SEMA5B: variants seen among roughly 807,000 people sequenced by gnomAD.
SEMA5B encodes the protein semaphorin-5B.
SEMA5B carries 66 observed loss-of-function variants against 135.0 expected under a neutral mutation model. The ratio of observed to expected loss-of-function variants is 0.49; its 90% CI spans 0.40 to 0.60. SEMA5B has a LOEUF of 0.60. SEMA5B is among the 20% of genes least tolerant of loss of function. SEMA5B has a pLI of 0.00. For synonymous variants in SEMA5B, 690 were observed against 639.5 expected (o/e 1.08, Z -1.19); for missense variants, 1,501 against 1,566.3 (o/e 0.96, Z 0.70).
chr3:123,006,187 G>A (rs754618605), intron 1 of SEMA5B, among the ~76,000 whole-genome samples: 23 of 152,218 alleles, frequency 1.5e-4, no homozygotes, highest in African/African-American at 5.5e-4. Flanking sequence ...CGTCTCCAAT[G>A]TCTGGTGTTG....
In SEMA5B at chr3:122,913,947, G is replaced by GC; in HGVS notation, c.2042dup (p.Ile682HisfsTer33). 1 of 1,612,266 alleles carries GC rather than the reference G, an allele frequency of 6.2e-7. No individual in the cohort carries two copies. Among genetic ancestry groups the GC allele is most frequent in the Non-Finnish European group, 8.5e-7 (1 of 1,179,880 alleles). On this transcript the variant is annotated frameshift_variant, in exon 15 of 23. Transcript: ENST00000357599. LOFTEE classifies it high-confidence loss of function. ...TTCGCTGGCGGACCTGGAAGCCGAT[G>GC]CCACAGGACGTGCTGCACAGCGCCC...
At chr3:122,970,502 C>T (rs1941062059) in intron 1 of SEMA5B, among the ~76,000 whole-genome samples, 1 of 152,210 alleles carries the variant, frequency 6.6e-6, no homozygotes, top group Admixed American at 6.5e-5. Flanking sequence ...GGAACCACTG[C>T]TATAGCCCAG....
rs771948970 is a variant in SEMA5B at position 122,948,630 on chromosome 3, C to T, written c.204G>A (p.Ser68=). The change falls in exon 3 of 23, where the codon TCG becomes TCA. Residue 68 remains serine (S), a synonymous_variant. Transcript: ENST00000357599. ...GCAGTGTGAGGCTGGGCAGCAACAG[C>T]GAGACAGCCAGGGGGCCTGCAAGCA... ...IMVLAGPLAV[S]LLLPSLTLLV... is the part of the protein sequence containing the mutation. 5.6e-6 allele frequency: 9 copies of T among 1,613,674 alleles called. No homozygotes were observed. The East Asian group carries it at 6.7e-5, about 12-fold the overall frequency.
intron 22 of SEMA5B, among the ~76,000 whole-genome samples, chr3:122,910,584 C>T (rs1010940239): frequency 6.6e-6 from 1 of 151,942 alleles, no homozygotes; most frequent in Non-Finnish European, 1.5e-5. Context: ...CCGAGGCGGG[C>T]GGATCACGAG....
chr3:122,911,137 G>C, intron 21 of SEMA5B, 92 bp from the exon 22 acceptor site: 1 of 1,162,894 alleles, frequency 8.6e-7, no homozygotes. Context: ...AGCAACAGGA[G>C]GCTCTGAGGC....
chr3:122,912,929 C>T lies in SEMA5B; in HGVS notation c.2639G>A (p.Cys880Tyr). The T allele has an allele frequency of 6.2e-7, 1 of 1,612,958 alleles. No homozygotes were observed. Among genetic ancestry groups the T allele is most frequent in the Non-Finnish European group, 8.5e-7 (1 of 1,179,548 alleles). ...ELGFRVRKRT[C>Y]TNPEPRNGGL... ...CCCGTTGCGGGGCTCCGGGTTAGTG[C>T]ACGTTCTCTTGCGGACGCGGAAGCC... is the stretch of plus-strand genomic sequence containing the variant. The change falls in exon 18 of 23, where the codon TGC (cysteine) becomes TAC (tyrosine). Residue 880 changes from cysteine (C) to tyrosine (Y), a missense_variant. Cys to Tyr is a radical substitution (Grantham distance 194). Transcript: ENST00000357599.
In SEMA5B at chr3:122,982,691, C is replaced by A. The variant is rs1220450550; in HGVS notation, c.-38-21390G>T. ...GCAGCCCAGATCCCTTCATGCACCA[C>A]CCCCCACCCCCCAGGTCTGCTGCCT... On this transcript the variant is annotated intron_variant, in intron 1 of 22. Transcript: ENST00000357599. Among the ~76,000 whole-genome samples the A allele has an allele frequency of 2.6e-5, 4 of 152,084 alleles. No homozygotes were observed. In the East Asian group the frequency reaches 7.7e-4, roughly 29 times the overall value.
chr3:122,975,982 T>C, intron 1 of SEMA5B: 2 of 1,534,684 alleles, frequency 1.3e-6, no homozygotes, highest in Non-Finnish European at 1.7e-6. Context: ...AAACTCTTCA[T>C]GTCATGCACT....
chr3:123,026,072 G>C (rs975527922), intron 1 of SEMA5B, among the ~76,000 whole-genome samples: 2 of 152,194 alleles, frequency 1.3e-5, no homozygotes, highest in African/African-American at 4.8e-5. Flanking sequence ...AAGCAGGCAG[G>C]GAGGGCTGTG....
At chr3:122,977,494 T>C (rs751112276) in intron 1 of SEMA5B, among the ~76,000 whole-genome samples, 4 of 152,206 alleles carry the variant, frequency 2.6e-5, no homozygotes, top group Non-Finnish European at 4.4e-5. Context: ...TAGAACTCAG[T>C]CCTGTCTTAT....
chr3:122,943,583 C>G (rs947647205), intron 3 of SEMA5B, 48 bp from the exon 4 acceptor site: 2 of 1,358,714 alleles, frequency 1.5e-6, no homozygotes, highest in Middle Eastern at 1.8e-4. Context: ...GCCAGAGGCT[C>G]CCAGCTGCAT....
chr3:122,933,626 T>C (rs1002520421), intron 5 of SEMA5B, among the ~76,000 whole-genome samples: 3 of 152,150 alleles, frequency 2.0e-5, no homozygotes, highest in Non-Finnish European at 2.9e-5. Context: ...TCATCCTTAA[T>C]TTCTTCCTCA....
intron 3 of SEMA5B, among the ~76,000 whole-genome samples, chr3:122,945,771 T>G (rs1032085012): frequency 6.6e-6 from 1 of 151,210 alleles, no homozygotes; most frequent in African/African-American, 2.4e-5. Context: ...CTTAGGCCCT[T>G]TCTTGGGGAG....
chr3:123,025,518 C>T (rs1309419740), intron 1 of SEMA5B, among the ~76,000 whole-genome samples: 2 of 152,178 alleles, frequency 1.3e-5, no homozygotes, highest in Non-Finnish European at 2.9e-5. Flanking sequence ...TAGATGTCCA[C>T]GGTGATGATT....
intron 20 of SEMA5B, 126 bp downstream of exon 20, chr3:122,911,793 TC>T: frequency 8.0e-7 from 1 of 1,254,396 alleles, no homozygotes; most frequent in Non-Finnish European, 1.1e-6. Flanking sequence ...GGCATCTCCT[TC>T]CCCCCACTTC....
intron 2 of SEMA5B, among the ~76,000 whole-genome samples, chr3:122,955,729 G>A (rs1940262867): frequency 6.6e-6 from 1 of 152,206 alleles, no homozygotes; most frequent in Admixed American, 6.5e-5. Flanking sequence ...TTCTTGCTTA[G>A]AGAGACTGCT....
chr3:123,024,681 G>C (rs1158647124), intron 1 of SEMA5B, among the ~76,000 whole-genome samples: 1 of 152,186 alleles, frequency 6.6e-6, no homozygotes, highest in East Asian at 1.9e-4. Flanking sequence ...ACAGGTCAGA[G>C]GTAGAACCAG....
chr3:122,935,420 G>A (rs925882062), intron 5 of SEMA5B, among the ~76,000 whole-genome samples: 7 of 152,138 alleles, frequency 4.6e-5, no homozygotes, highest in Non-Finnish European at 1.0e-4. Flanking sequence ...TGAATCTTTG[G>A]AGAAAGGGTC....
At chr3:122,976,793 T>C (rs1270568283) in intron 1 of SEMA5B, among the ~76,000 whole-genome samples, 1 of 152,184 alleles carries the variant, frequency 6.6e-6, no homozygotes, top group Non-Finnish European at 1.5e-5. Context: ...CTCACACCTG[T>C]AATTCCAGCA....
Sources: gnomAD v4.1 joint callset for allele counts (sites outside exome capture counted in the v4.1 genomes callset) on GRCh38, gnomAD v4.1.1 for gene constraint, MANE v1.5 for transcripts, NCBI Gene and HGNC (gene_info 2026-07-23, HGNC 2026-07-21) for gene names.